Variants in P3H2 observed in about 807,000 individuals in gnomAD.
P3H2 encodes the protein leprecan-like 1.
P3H2 carries 80 observed loss-of-function variants against 87.0 expected under a neutral mutation model. The ratio of observed to expected loss-of-function variants is 0.92; its 90% CI spans 0.77 to 1.11. P3H2 has a LOEUF of 1.11. Ranked by LOEUF, P3H2 falls within the 50% of genes least tolerant of loss-of-function variation. P3H2 has a pLI of 0.00. For synonymous variants in P3H2, 367 were observed against 359.3 expected (o/e 1.02, Z -0.24); for missense variants, 1,001 against 923.9 (o/e 1.08, Z -1.08).
At chr3:190,018,929 C>A (rs1408787111) in intron 1 of P3H2, among the ~76,000 whole-genome samples, 2 of 152,158 alleles carry the variant, frequency 1.3e-5, no homozygotes, top group Non-Finnish European at 2.9e-5. Flanking sequence ...AAACTTCTTA[C>A]ACCGTAATGG....
intron 1 of P3H2, among the ~76,000 whole-genome samples, chr3:190,012,296 T>G (rs1724618918): frequency 6.6e-6 from 1 of 151,672 alleles, no homozygotes; most frequent in South Asian, 2.1e-4. Flanking sequence ...TGTAGGAAAT[T>G]TTCTTGTGAA....
intron 13 of P3H2, among the ~76,000 whole-genome samples, chr3:189,966,861 G>T (rs1176664645): frequency 1.3e-5 from 2 of 152,198 alleles, no homozygotes; most frequent in African/African-American, 4.8e-5. Flanking sequence ...ACTGATGATT[G>T]ATTTAGAAAA....
At position 189,993,780 on chromosome 3, in the gene P3H2, A is replaced by G. The variant is rs1723953354; in HGVS notation, c.823+314T>C. ...ACTTACGTGAGAAGAAGTCCACAAT[A>G]TATTGTTAAGCATAAAATAAAACAA... On this transcript the variant is annotated intron_variant, in intron 3 of 14. Coordinates refer to ENST00000319332, the MANE Select transcript of P3H2 (RefSeq NM_018192.4). Among the ~76,000 whole-genome samples, 2 of 152,144 alleles carry G rather than the reference A, an allele frequency of 1.3e-5. 1 individual carries two copies. Among genetic ancestry groups the G allele is most frequent in the Admixed American group, 1.3e-4 (2 of 15,268 alleles).
intron 1 of P3H2, among the ~76,000 whole-genome samples, chr3:190,079,614 CAG>C (rs1450521518): frequency 6.6e-6 from 1 of 152,156 alleles, no homozygotes; most frequent in African/African-American, 2.4e-5. Flanking sequence ...TCCCAAAACA[CAG>C]AGACACTGCC....
chr3:189,986,217 C>T (rs1723690679), intron 6 of P3H2, among the ~76,000 whole-genome samples: 1 of 152,152 alleles, frequency 6.6e-6, no homozygotes, highest in African/African-American at 2.4e-5. Context: ...AATACTTTTA[C>T]CCAATAGATT....
Position 189,957,725 on chromosome 3 carries a change from A to AGAG in P3H2, c.*186_*187insCTC. On this transcript the variant is annotated 3_prime_UTR_variant, in exon 15 of 15. Coordinates refer to ENST00000319332, the MANE Select transcript of P3H2 (RefSeq NM_018192.4). ...AAGAGAGAGAGAGAGAGAGAGAGAG[A>AGAG]AAACAACCCAAAACAAGAAAGATAG... 17 of 608,814 alleles carry AGAG rather than the reference A, an allele frequency of 2.8e-5. No individual in the cohort carries two copies. The highest frequency in any genetic ancestry group is 1.4e-4 in the Admixed American group (5 of 35,312). The allele number at this position is 608,814 out of a possible 1,614,324, so 37.7% of individuals were successfully genotyped here.
At chr3:189,960,374 A>G (rs1722777506) in intron 14 of P3H2, among the ~76,000 whole-genome samples, 1 of 152,128 alleles carries the variant, frequency 6.6e-6, no homozygotes, top group African/African-American at 2.4e-5. Flanking sequence ...AGAGCAGGGC[A>G]TCTTATCTTC....
intron 1 of P3H2, among the ~76,000 whole-genome samples, chr3:190,116,217 G>C (rs1244204221): frequency 6.6e-6 from 1 of 152,158 alleles, no homozygotes; most frequent in Non-Finnish European, 1.5e-5. Flanking sequence ...TGTTAGGATA[G>C]TTATGATTTG....
chr3:189,999,137 G>T (rs1724135305), intron 1 of P3H2, among the ~76,000 whole-genome samples: 1 of 152,216 alleles, frequency 6.6e-6, no homozygotes, highest in Non-Finnish European at 1.5e-5. Context: ...CATACTGAGA[G>T]CTTCCAATGT....
intron 1 of P3H2, among the ~76,000 whole-genome samples, chr3:190,079,446 T>C (rs1185615139): frequency 2.0e-5 from 3 of 152,276 alleles, no homozygotes; most frequent in Admixed American, 6.5e-5. Flanking sequence ...ATTGTGAGAA[T>C]TGAGTTAGTA....
chr3:190,115,404 T>C (rs1712250763), intron 1 of P3H2, among the ~76,000 whole-genome samples: 2 of 150,500 alleles, frequency 1.3e-5, no homozygotes, highest in Admixed American at 1.3e-4. Context: ...TTTCCTTTTT[T>C]TAAATGGTTG....
intron 3 of P3H2, among the ~76,000 whole-genome samples, chr3:189,992,391 C>T (rs545894183): frequency 3.3e-4 from 50 of 152,166 alleles, no homozygotes; most frequent in Admixed American, 6.5e-4. Context: ...CCACCGCGCC[C>T]GGATGAGTAG....
chr3:190,115,434 A>AC lies in P3H2; in HGVS notation c.480+4817_480+4818insG, dbSNP rs535206017. Among the ~76,000 whole-genome samples, 644 of 151,730 alleles carry AC rather than the reference A, an allele frequency of 4.2e-3. 7 individuals carry two copies. Among genetic ancestry groups the AC allele is most frequent in the African/African-American group, 0.015 (610 of 41,256 alleles). ...TGGTTGGGAAAAGTGGGAGAAAAAA[A>AC]AAAAAAACCAGACACTGTCAAACCA... On this transcript the variant is annotated intron_variant, in intron 1 of 14. Transcript: ENST00000319332.
At chr3:190,115,249 G>A (rs971956390) in intron 1 of P3H2, among the ~76,000 whole-genome samples, 10 of 152,160 alleles carry the variant, frequency 6.6e-5, no homozygotes, top group Non-Finnish European at 1.2e-4. Flanking sequence ...ATTGCCTAAT[G>A]TAATTGTGTA....
rs529515561 is a variant in P3H2, at chr3:190,024,781, G to A, written c.481-29339C>T. ...AGAAAGACTGAGAATATAAAAAGAGGATTTCAAGCAAATAATGTGAGAGAA... is the reference window on the plus strand; with the variant it reads ...AGAAAGACTGAGAATATAAAAAGAGAATTTCAAGCAAATAATGTGAGAGAA... On this transcript the variant is annotated intron_variant, in intron 1 of 14. Coordinates refer to ENST00000319332, the MANE Select transcript of P3H2 (RefSeq NM_018192.4). Among the ~76,000 whole-genome samples the A allele has an allele frequency of 2.6e-5, 4 of 152,130 alleles. No homozygotes were observed. The East Asian group carries it at 5.8e-4, about 22-fold the overall frequency.
At chr3:190,009,973 C>A (rs1486191225) in intron 1 of P3H2, among the ~76,000 whole-genome samples, 1 of 152,082 alleles carries the variant, frequency 6.6e-6, no homozygotes, top group Non-Finnish European at 1.5e-5. Context: ...GACGCTAAGA[C>A]CCTATAGAAA....
At chr3:190,107,372 G>A (rs1479151354) in intron 1 of P3H2, among the ~76,000 whole-genome samples, 2 of 152,236 alleles carry the variant, frequency 1.3e-5, no homozygotes, top group East Asian at 1.9e-4. Flanking sequence ...TCTTCTTGTT[G>A]CGCTTTCATA....
chr3:190,015,068 G>A (rs899104889), intron 1 of P3H2, among the ~76,000 whole-genome samples: 10 of 152,126 alleles, frequency 6.6e-5, no homozygotes, highest in African/African-American at 2.4e-4. Context: ...TGAGGATGGA[G>A]TGCAGGGCTG....
At chr3:190,103,039 A>C (rs1460603181) in intron 1 of P3H2, among the ~76,000 whole-genome samples, 1 of 152,208 alleles carries the variant, frequency 6.6e-6, no homozygotes, top group Non-Finnish European at 1.5e-5. Flanking sequence ...TGTTTTTTAG[A>C]CATAATGTTA....
Sources: allele counts gnomAD v4.1 joint callset (sites outside exome capture counted in the v4.1 genomes callset), GRCh38; gene constraint gnomAD v4.1.1; transcripts MANE v1.5; gene names NCBI Gene and HGNC (gene_info 2026-07-23, HGNC 2026-07-21).